The following BRCA1 variants were observed in gnomAD, a reference collection of about 807,000 sequenced individuals.
BRCA1 encodes the protein breast cancer type 1 susceptibility protein.
A neutral mutation model predicts 173.7 loss-of-function variants in BRCA1; 140 were observed. The ratio of observed to expected loss-of-function variants is 0.81; its 90% confidence interval spans 0.70 to 0.93. The LOEUF is 0.93. Among genes scored for constraint, BRCA1 ranks in the 40% least tolerant of loss-of-function variants. BRCA1 has a pLI of 0.00. For synonymous variants in BRCA1, 662 were observed against 756.0 expected (o/e 0.88, Z 2.04); for missense variants, 1,983 against 2,172.5 (o/e 0.91, Z 1.73).
intron 1 of BRCA1, among the ~76,000 whole-genome samples, chr17:43,157,865 G>A (rs1423436322): frequency 6.6e-6 from 1 of 151,210 alleles, no homozygotes; most frequent in Non-Finnish European, 1.5e-5. Context: ...GCTTGGTGGC[G>A]CATGCCTGTA....
chr17:43,097,609 C>CA (rs975193742), intron 7 of BRCA1, among the ~76,000 whole-genome samples: 9 of 150,658 alleles, frequency 6.0e-5, no homozygotes, highest in East Asian at 3.9e-4. Flanking sequence ...AAAACAAAAA[C>CA]AAAAAAAAAG....
intron 1 of BRCA1, among the ~76,000 whole-genome samples, chr17:43,124,376 G>A (rs751548030): frequency 6.6e-6 from 1 of 152,156 alleles, no homozygotes; most frequent in African/African-American, 2.4e-5. Flanking sequence ...GAAAGAGAAA[G>A]CTACAGAGGA....
In BRCA1 at chr17:43,091,944, G is replaced by A. The variant is rs80356944; in HGVS notation, c.3587C>T (p.Thr1196Ile). Residue 1196 changes from threonine to isoleucine, a missense_variant, in exon 10 of 23, where the codon ACA becomes ATA. Physicochemically the swap from Thr to Ile is moderately conservative, Grantham distance 89. Coordinates refer to ENST00000357654, the MANE Select transcript of BRCA1 (RefSeq NM_007294.4). ...TCTTCGGTAACCCTGAGCCAAATGT[G>A]TATGGGTGAAAGGGCTAGGACTCCT... ...LSRSPSPFTH[T>I]HLAQGYRRGA... 1.9e-6 allele frequency: 3 copies of A among 1,614,094 alleles called. No individual in the cohort carries two copies. Among genetic ancestry groups the A allele is most frequent in the Middle Eastern group, 1.6e-4 (1 of 6,062 alleles).
chr17:43,154,853 A>T (rs111732228), intron 1 of BRCA1, among the ~76,000 whole-genome samples: 1 of 151,902 alleles, frequency 6.6e-6, no homozygotes, highest in East Asian at 1.9e-4. Flanking sequence ...GGAAACAGGT[A>T]GTGTAATATG....
At chr17:43,071,560 T>C (rs932535639) in intron 14 of BRCA1, among the ~76,000 whole-genome samples, 2 of 130,342 alleles carry the variant, frequency 1.5e-5, no homozygotes, top group African/African-American at 5.4e-5. Flanking sequence ...TGTCCAATAA[T>C]AGGAGATTAA....
At chr17:43,063,483 A>G in intron 17 of BRCA1, 110 bp from the exon 18 acceptor site, 2 of 904,090 alleles carry the variant, frequency 2.2e-6, no homozygotes, top group Non-Finnish European at 3.6e-6. Context: ...ATGACAGAGG[A>G]GAGGTCCTTC....
intron 2 of BRCA1, chr17:43,119,150 C>T (rs1567819925): frequency 4.7e-6 from 1 of 214,976 alleles, no homozygotes; most frequent in Non-Finnish European, 9.4e-6. Flanking sequence ...GTGGTTTTTT[C>T]CTTAAATATT....
chr17:43,103,593 A>T (rs1222021923), intron 6 of BRCA1, among the ~76,000 whole-genome samples: 3 of 151,906 alleles, frequency 2.0e-5, no homozygotes, highest in Non-Finnish European at 2.9e-5. Flanking sequence ...AGTAGCTGGG[A>T]TTATAGGTAC....
chr17:43,144,288 A>G (rs2056102235), intron 1 of BRCA1: 1 of 289,072 alleles, frequency 3.5e-6, no homozygotes, highest in Non-Finnish European at 6.9e-6. Context: ...CCATGTCTGA[A>G]TGAACATTCA....
intron 1 of BRCA1, among the ~76,000 whole-genome samples, chr17:43,141,611 G>A (rs1433293237): frequency 2.6e-5 from 4 of 151,752 alleles, no homozygotes; most frequent in Non-Finnish European, 5.9e-5. Flanking sequence ...TCAGGAGATC[G>A]AGACCATCTT....
At chr17:43,155,866 G>A (rs1177145767) in intron 1 of BRCA1, among the ~76,000 whole-genome samples, 1 of 152,118 alleles carries the variant, frequency 6.6e-6, no homozygotes, top group Non-Finnish European at 1.5e-5. Context: ...TAAAGTCCAG[G>A]CAGGACATCA....
intron 2 of BRCA1, among the ~76,000 whole-genome samples, chr17:43,119,780 G>C (rs1016892963): frequency 1.4e-4 from 22 of 152,158 alleles, no homozygotes; most frequent in African/African-American, 3.1e-4. Flanking sequence ...TATCATACCA[G>C]ATGGCTTTCA....
At chr17:43,082,321 C>T (rs2154142206) in intron 12 of BRCA1, 83 bp downstream of exon 12, 1 of 1,424,790 alleles carries the variant, frequency 7.0e-7, no homozygotes, top group South Asian at 1.2e-5. Context: ...AATGTTGGAG[C>T]TAGGTCCTTA....
Position 43,115,749 on chromosome 17 carries a change from T to A in BRCA1, c.111A>T (p.Thr37=), listed in dbSNP as rs1293537445. The A allele has an allele frequency of 6.2e-7, 1 of 1,613,720 alleles. No individual in the cohort carries two copies. Among genetic ancestry groups the A allele is most frequent in the East Asian group, 2.2e-5 (1 of 44,850 alleles). ...ACTTGCAAAATATGTGGTCACACTT[T>A]GTGGAGACAGGTTCCTTGATCAACT... is the stretch of plus-strand genomic sequence containing the variant. The part of the protein sequence containing the change: ...CLELIKEPVS[T]KCDHIFCKFC... The change falls in exon 3 of 23, where the codon ACA becomes ACT. Residue 37 remains threonine, a synonymous_variant. Transcript: ENST00000357654.
chr17:43,054,744 ATT>A lies in BRCA1; in HGVS notation c.5277+2306_5277+2307del, dbSNP rs11347376. On this transcript the variant is annotated intron_variant, in intron 19 of 22. Coordinates refer to ENST00000357654, the MANE Select transcript of BRCA1 (RefSeq NM_007294.4). ...AAGTGAGCCGCTGTGCCCAGCTGGG[ATT>A]TTTTTTTTTTTTTTGAGATGAAGTC... Among the ~76,000 whole-genome samples the A allele has an allele frequency of 8.6e-4, 118 of 137,492 alleles. 1 individual carries two copies. Among genetic ancestry groups the A allele is most frequent in the Non-Finnish European group, 8.6e-4 (55 of 63,798 alleles). 90.2% of individuals were successfully genotyped at this position (137,492 alleles called of 152,430 possible). A position where few individuals can be genotyped will look rare whatever the true frequency, so the allele number is the denominator to read the frequency against.
In BRCA1 at chr17:43,104,165, C is replaced by T. The variant is rs80357357; in HGVS notation, c.398G>A (p.Arg133His). 1.1e-5 allele frequency: 18 copies of T among 1,613,848 alleles called. No individual in the cohort carries two copies. Among genetic ancestry groups the T allele is most frequent in the African/African-American group, 6.7e-5 (5 of 74,880 alleles). ...TTCACTCTGTAGAAGTCTTTTGGCACGGTTTCTGTAGCCCATACTTTGGAT... is the reference window on the plus strand; with the variant it reads ...TTCACTCTGTAGAAGTCTTTTGGCATGGTTTCTGTAGCCCATACTTTGGAT... ...SIIQSMGYRN[R>H]AKRLLQSEPE... The change falls in exon 6 of 23, where the codon CGT becomes CAT. Residue 133 changes from arginine (R) to histidine (H), a missense_variant. Physicochemically the swap from Arg to His is conservative, Grantham distance 29 (BLOSUM62 0). Coordinates refer to ENST00000357654, the MANE Select transcript of BRCA1 (RefSeq NM_007294.4).
chr17:43,108,125 G>A (rs2054873604), intron 3 of BRCA1, among the ~76,000 whole-genome samples: 1 of 152,090 alleles, frequency 6.6e-6, no homozygotes, highest in Non-Finnish European at 1.5e-5. Context: ...ATCACTTGAG[G>A]CCAGGAGTTC....
At chr17:43,101,021 G>A (rs2054451030) in intron 6 of BRCA1, among the ~76,000 whole-genome samples, 1 of 151,244 alleles carries the variant, frequency 6.6e-6, no homozygotes, top group African/African-American at 2.4e-5. Flanking sequence ...ATGAGCCACC[G>A]TGCCTGGCCA....
chr17:43,046,222 CTTTTTTT>C (rs71157698), intron 22 of BRCA1, among the ~76,000 whole-genome samples: 4 of 68,346 alleles, frequency 5.9e-5, no homozygotes, highest in Non-Finnish European at 1.0e-4. Context: ...TGCACCTGGC[CTTTTTTT>C]TTTTTTTTTT....
Sources: gnomAD v4.1 joint callset for allele counts (sites outside exome capture counted in the v4.1 genomes callset) on GRCh38, gnomAD v4.1.1 for gene constraint, MANE v1.5 for transcripts, NCBI Gene and HGNC (gene_info 2026-07-23, HGNC 2026-07-21) for gene names.